Variants in RABGAP1 observed in about 807,000 individuals in gnomAD.
RABGAP1 encodes the protein RAB GTPase activating protein 1.
RABGAP1 carries 23 observed loss-of-function variants against 137.6 expected under a neutral mutation model. The observed-to-expected ratio is 0.17, with a 90% confidence interval of 0.12 to 0.24. The LOEUF (loss-of-function observed/expected upper bound fraction) is 0.24, where lower values mean the gene tolerates loss of function less well. Among genes scored for constraint, RABGAP1 ranks in the 10% least tolerant of loss-of-function variants. The pLI is 1.00. For missense variants in RABGAP1, 906 were observed against 1,275.8 expected (o/e 0.71, Z 4.42); for synonymous variants, 451 against 450.7 (o/e 1.00, Z -0.01).
chr9:123,015,179 T>C (rs555100130), intron 11 of RABGAP1, among the ~76,000 whole-genome samples: 1 of 152,290 alleles, frequency 6.6e-6, no homozygotes, highest in East Asian at 1.9e-4. Flanking sequence ...GTTTGAAATT[T>C]TTTAAGTGTT....
At chr9:122,966,348 C>A (rs535475572) in intron 2 of RABGAP1, among the ~76,000 whole-genome samples, 3 of 151,780 alleles carry the variant, frequency 2.0e-5, no homozygotes, top group African/African-American at 7.3e-5. Context: ...AACATGGTGA[C>A]GCCCTATTTC....
intron 2 of RABGAP1, among the ~76,000 whole-genome samples, chr9:122,961,817 G>A (rs1054799708): frequency 2.0e-5 from 3 of 152,110 alleles, no homozygotes; most frequent in African/African-American, 7.2e-5. Context: ...CCTATGAGAT[G>A]TGGAAATGTA....
chr9:123,086,382 A>C (rs534121458), intron 19 of RABGAP1, among the ~76,000 whole-genome samples: 66 of 152,336 alleles, frequency 4.3e-4, no homozygotes, highest in Middle Eastern at 3.4e-3. Context: ...ACAGGGGACA[A>C]CAATGAGTGA....
At chr9:122,957,955 C>T (rs1350122970) in intron 2 of RABGAP1, among the ~76,000 whole-genome samples, 4 of 151,150 alleles carry the variant, frequency 2.6e-5, no homozygotes, top group African/African-American at 7.3e-5. Flanking sequence ...GCATCTCTCT[C>T]TCTCTCCCCT....
In RABGAP1 at chr9:123,103,623, A is replaced by ATATG. The variant is rs2035412034; in HGVS notation, c.*413_*414insGTAT. ...TATATATATATATATATATATATAT[A>ATATG]TATATATATATATAGTGGGGGTGGG... On this transcript the variant is annotated 3_prime_UTR_variant, in exon 26 of 26. Coordinates refer to ENST00000373647, the MANE Select transcript of RABGAP1 (RefSeq NM_012197.4). The ATATG allele has an allele frequency of 1.1e-5, 1 of 90,932 alleles. No homozygotes were observed. Among genetic ancestry groups the ATATG allele is most frequent in the Non-Finnish European group, 2.0e-5 (1 of 49,426 alleles). 5.6% of individuals were successfully genotyped at this position (90,932 alleles called of 1,614,324 possible). A position where few individuals can be genotyped will look rare whatever the true frequency, so the allele number is the denominator to read the frequency against.
chr9:122,967,754 T>C (rs1476101899), intron 2 of RABGAP1, among the ~76,000 whole-genome samples: 3 of 152,134 alleles, frequency 2.0e-5, no homozygotes, highest in African/African-American at 7.2e-5. Context: ...AAATTTTTTT[T>C]TTTTTAGACA....
chr9:122,990,993 G>C (rs951151473), intron 6 of RABGAP1, among the ~76,000 whole-genome samples: 1 of 150,600 alleles, frequency 6.6e-6, no homozygotes, highest in African/African-American at 2.4e-5. Flanking sequence ...CATTGGAAGG[G>C]GAGAAATAAG....
chr9:122,986,180 A>G (rs753351043), intron 3 of RABGAP1, 35 bp from the exon 4 acceptor site: 2 of 1,577,324 alleles, frequency 1.3e-6, no homozygotes, highest in South Asian at 2.2e-5. Flanking sequence ...TATCAAAGTG[A>G]AAGTAATCAC....
intron 25 of RABGAP1, among the ~76,000 whole-genome samples, chr9:123,102,527 A>G (rs534429076): frequency 6.6e-6 from 1 of 152,324 alleles, no homozygotes; most frequent in African/African-American, 2.4e-5. Context: ...GGCATCACCA[A>G]GGCAGCAGTA....
At chr9:123,011,736 C>T (rs2030826264) in intron 11 of RABGAP1, among the ~76,000 whole-genome samples, 1 of 152,190 alleles carries the variant, frequency 6.6e-6, no homozygotes, top group South Asian at 2.1e-4. Context: ...GGGAGGATCA[C>T]TTGAAGTCAG....
At chr9:123,057,187 C>T (rs2033749934) in intron 13 of RABGAP1, among the ~76,000 whole-genome samples, 1 of 151,866 alleles carries the variant, frequency 6.6e-6, no homozygotes, top group South Asian at 2.1e-4. Flanking sequence ...AGGGTGGCTG[C>T]CGGGCGGAGA....
chr9:122,972,363 T>G (rs1367421919), intron 2 of RABGAP1, among the ~76,000 whole-genome samples: 1 of 152,204 alleles, frequency 6.6e-6, no homozygotes, highest in Non-Finnish European at 1.5e-5. Context: ...ATTGACTGGT[T>G]GGTTTTTGCC....
chr9:123,093,439 G>A (rs2035089008), intron 21 of RABGAP1, among the ~76,000 whole-genome samples: 1 of 152,214 alleles, frequency 6.6e-6, no homozygotes, highest in African/African-American at 2.4e-5. Flanking sequence ...GTCCCCTCTA[G>A]CAGGGTCACT....
chr9:123,063,881 G>T (rs2034070998), intron 13 of RABGAP1, among the ~76,000 whole-genome samples: 1 of 152,092 alleles, frequency 6.6e-6, no homozygotes, highest in Non-Finnish European at 1.5e-5. Context: ...AAATTTTGAT[G>T]AAGTGTCCAG....
intron 1 of RABGAP1, among the ~76,000 whole-genome samples, chr9:122,943,433 A>G (rs893604047): frequency 2.6e-5 from 4 of 152,256 alleles, no homozygotes; most frequent in Middle Eastern, 3.4e-3. Flanking sequence ...TAATAGGTAT[A>G]TATTTGTTTG....
chr9:123,014,724 C>T (rs373886977), intron 11 of RABGAP1, among the ~76,000 whole-genome samples: 16 of 140,408 alleles, frequency 1.1e-4, no homozygotes, highest in Non-Finnish European at 1.3e-4. Flanking sequence ...TTCTGTGGTG[C>T]GATCTTGGCT....
intron 13 of RABGAP1, among the ~76,000 whole-genome samples, chr9:123,027,596 T>C (rs2032052165): frequency 6.6e-6 from 1 of 152,224 alleles, no homozygotes; most frequent in South Asian, 2.1e-4. Context: ...CATAAGCATA[T>C]GCCTGTGGAT....
At chr9:123,092,981 TTTCCC>T (rs1211727399) in intron 21 of RABGAP1, among the ~76,000 whole-genome samples, 1 of 152,142 alleles carries the variant, frequency 6.6e-6, no homozygotes, top group Non-Finnish European at 1.5e-5. Context: ...CCACACTCAC[TTTCCC>T]TTCCCAAGTT....
chr9:123,083,969 G>A (rs1459967839), intron 19 of RABGAP1, among the ~76,000 whole-genome samples: 1 of 152,222 alleles, frequency 6.6e-6, no homozygotes, highest in Non-Finnish European at 1.5e-5. Flanking sequence ...AGGCCACAGA[G>A]ATAAATAAGA....
Sources: gnomAD v4.1 joint callset for allele counts (sites outside exome capture counted in the v4.1 genomes callset) on GRCh38, gnomAD v4.1.1 for gene constraint, MANE v1.5 for transcripts, NCBI Gene and HGNC (gene_info 2026-07-23, HGNC 2026-07-21) for gene names.